Variants in ZNF512 observed in about 807,000 individuals in gnomAD.
The protein encoded by ZNF512 is zinc finger protein 512.
In ZNF512, 25 loss-of-function variants were observed where a neutral mutation model predicts 77.5. The observed-to-expected ratio is 0.32, with a 90% CI of 0.23 to 0.45. ZNF512 has a LOEUF of 0.45. ZNF512 is among the 20% of genes least tolerant of loss of function. The probability of loss-of-function intolerance (pLI) is 1.00; values close to 1 mark genes in which losing one functional copy is unlikely to be tolerated. For missense variants in ZNF512, 483 were observed against 692.6 expected (o/e 0.70, Z 3.40); for synonymous variants, 246 against 239.9 (o/e 1.03, Z -0.24).
At chr2:27,584,430 A>G (rs1671243679) in intron 2 of ZNF512, among the ~76,000 whole-genome samples, 2 of 152,230 alleles carry the variant, frequency 1.3e-5, no homozygotes, top group Non-Finnish European at 2.9e-5. Flanking sequence ...TTAACTAGAC[A>G]TTAAATGGAT....
intron 8 of ZNF512, 73 bp from the exon 9 acceptor site, chr2:27,603,067 A>G (rs1443965407): frequency 5.1e-6 from 8 of 1,558,108 alleles, no homozygotes; most frequent in Non-Finnish European, 7.0e-6. Flanking sequence ...TGAATGCTTT[A>G]TGGCTGTTTA....
At chr2:27,583,775 C>T in intron 2 of ZNF512, 59 bp downstream of exon 2, 2 of 1,575,808 alleles carry the variant, frequency 1.3e-6, no homozygotes, top group South Asian at 2.3e-5. Context: ...ACCAGTAGAA[C>T]TTCTTCCTGT....
At chr2:27,618,450 A>G (rs969299199) in intron 13 of ZNF512, among the ~76,000 whole-genome samples, 3 of 152,262 alleles carry the variant, frequency 2.0e-5, no homozygotes, top group African/African-American at 7.2e-5. Flanking sequence ...ATTAAATAAT[A>G]GTATTGTGTC....
At position 27,600,683 on chromosome 2, in the gene ZNF512, CT is replaced by C. The variant is rs1558469735; in HGVS notation, c.458-5del. On this transcript the variant is annotated splice_polypyrimidine_tract_variant and splice_region_variant and intron_variant, in intron 5 of 13. Transcript: ENST00000355467. Reference sequence around the variant, plus strand: ...AGATTACAAAGTGTTTCTTTCTCTCCTTTGTAGGCAGTTTGGAGGAGCAATG... The same window carrying C: ...AGATTACAAAGTGTTTCTTTCTCTCCTTGTAGGCAGTTTGGAGGAGCAATG... 1 of 1,611,580 alleles carries C rather than the reference CT, an allele frequency of 6.2e-7. No homozygotes were observed.
Position 27,614,054 on chromosome 2 carries a change from G to T in ZNF512, c.1132-1114G>T, listed in dbSNP as rs780055098. On this transcript the variant is annotated intron_variant, in intron 10 of 13. Transcript: ENST00000355467. ...AAAGCCACTTCTGTACTCTATAAAA[G>T]TATTGTGTACCCTATTCTTTTATAG... Among the ~76,000 whole-genome samples the T allele has an allele frequency of 4.4e-4, 67 of 152,054 alleles. 1 individual carries two copies. Among genetic ancestry groups the T allele is most frequent in the Non-Finnish European group, 6.2e-4 (42 of 67,986 alleles).
rs1288049415 is a variant in ZNF512, at chr2:27,599,937, CATGCTGGGCTTCAAGTT to C, written c.374-32_374-16del. The C allele has an allele frequency of 6.2e-7, 1 of 1,611,754 alleles. No individual in the cohort carries two copies. Among genetic ancestry groups the C allele is most frequent in the Admixed American group, 1.7e-5 (1 of 59,970 alleles). On this transcript the variant is annotated splice_polypyrimidine_tract_variant and intron_variant, in intron 4 of 13. Transcript: ENST00000355467. ...GAGATTTTGGTATTAGCAAGGGTGACATGCTGGGCTTCAAGTTTCTGTCTTATGTCAGGGAGGAAGCA... is the reference window on the plus strand; with the variant it reads ...GAGATTTTGGTATTAGCAAGGGTGACTCTGTCTTATGTCAGGGAGGAAGCA...
At chr2:27,601,619 G>A (rs1672117381) in intron 7 of ZNF512, among the ~76,000 whole-genome samples, 177 bp downstream of exon 7, 1 of 151,142 alleles carries the variant, frequency 6.6e-6, no homozygotes, top group Non-Finnish European at 1.5e-5. Context: ...GACTACAGGC[G>A]TGCGCCACCA....
intron 10 of ZNF512, among the ~76,000 whole-genome samples, chr2:27,609,590 T>G (rs939219586): frequency 2.0e-5 from 3 of 152,110 alleles, no homozygotes; most frequent in Non-Finnish European, 2.9e-5. Flanking sequence ...AATTAGTGGC[T>G]GGGCACAGTG....
At chr2:27,583,802 A>G (rs972471213) in intron 2 of ZNF512, 86 bp downstream of exon 2, 33 of 1,468,084 alleles carry the variant, frequency 2.2e-5, no homozygotes, top group Non-Finnish European at 2.6e-5. Flanking sequence ...AATGTTCTGT[A>G]TCTGCATTGT....
At position 27,599,655 on chromosome 2, in the gene ZNF512, C is replaced by A. The variant is rs1672031620; in HGVS notation, c.350C>A (p.Pro117His). The change falls in exon 4 of 14, where the codon CCT becomes CAT. Residue 117 changes from proline to histidine, a missense_variant. By Grantham distance (77) the Pro-to-His change is moderately conservative (BLOSUM62 -2). Coordinates refer to ENST00000355467, the MANE Select transcript of ZNF512 (RefSeq NM_032434.4). ...GAAGATGAAGACTATCGAGAATTTC[C>A]TCAGAAGAAGCATAAGCTTTATGGT... is the stretch of plus-strand genomic sequence containing the variant. ...QEEDEDYREF[P>H]QKKHKLYGRK... 6.2e-7 allele frequency: 1 copy of A among 1,614,184 alleles called. No homozygotes were observed. Among genetic ancestry groups the A allele is most frequent in the Non-Finnish European group, 8.5e-7 (1 of 1,180,006 alleles).
chr2:27,613,837 T>C (rs1672769157), intron 10 of ZNF512, among the ~76,000 whole-genome samples: 1 of 152,128 alleles, frequency 6.6e-6, no homozygotes, highest in South Asian at 2.1e-4. Context: ...GTACTTCATT[T>C]ACATAAATGT....
chr2:27,583,440 C>A, intron 1 of ZNF512: 1 of 1,446,324 alleles, frequency 6.9e-7, no homozygotes. Context: ...TGGGACAGGG[C>A]TTTGAGAATG....
intron 2 of ZNF512, among the ~76,000 whole-genome samples, chr2:27,590,735 T>C (rs1312028617): frequency 6.6e-6 from 1 of 152,046 alleles, no homozygotes; most frequent in African/African-American, 2.4e-5. Context: ...GCACATTCAT[T>C]GCTTGCTGGG....
At chr2:27,583,536 TC>T in intron 1 of ZNF512, 121 bp from the exon 2 acceptor site, 2 of 1,523,080 alleles carry the variant, frequency 1.3e-6, no homozygotes, top group Middle Eastern at 2.1e-4. Context: ...GGTGTTGCCT[TC>T]TTGTGTTTGA....
In ZNF512 at chr2:27,600,706, A is replaced by C. The variant is rs1672080819; in HGVS notation, c.473A>C (p.Gln158Pro). 1.9e-6 allele frequency: 3 copies of C among 1,613,720 alleles called. No homozygotes were observed. Among genetic ancestry groups the C allele is most frequent in the Non-Finnish European group, 2.5e-6 (3 of 1,179,840 alleles). ...TCCTTTGTAGGCAGTTTGGAGGAGC[A>C]ATGGTACTTAGAAATCGTTGATAAA... ...PVYAAGSLEEQWYLEIVDKGS... is the reference protein window; with the variant it reads ...PVYAAGSLEEPWYLEIVDKGS... Residue 158 changes from glutamine to proline, a missense_variant, in exon 6 of 14, where the codon CAA (glutamine) becomes CCA (proline). Physicochemically the swap from Gln to Pro is moderately conservative, Grantham distance 76. Transcript: ENST00000355467.
intron 5 of ZNF512, 21 bp from the exon 6 acceptor site, chr2:27,600,670 G>A: frequency 6.2e-7 from 1 of 1,607,670 alleles, no homozygotes; most frequent in African/African-American, 1.3e-5. Context: ...ATTACAAAGT[G>A]TTTCTTTCTC....
chr2:27,617,496 C>T lies in ZNF512; in HGVS notation c.1320C>T (p.Tyr440=). The T allele has an allele frequency of 6.8e-7, 1 of 1,475,300 alleles. No homozygotes were observed. The highest frequency in any genetic ancestry group is 9.5e-7 in the Non-Finnish European group (1 of 1,053,180). The allele number at this position is 1,475,300 out of a possible 1,614,324, so 91.4% of individuals were successfully genotyped here. Residue 440 remains tyrosine (Y), a synonymous_variant, in exon 13 of 14, where the codon TAC becomes TAT. Coordinates refer to ENST00000355467, the MANE Select transcript of ZNF512 (RefSeq NM_032434.4). Reference sequence around the variant, plus strand: ...AGGGAAACTTTGTGGCTGGAAAATACAAATGTCTTCTATGTCAGAAAGAAT... The same window carrying T: ...AGGGAAACTTTGTGGCTGGAAAATATAAATGTCTTCTATGTCAGAAAGAAT... ...CTLGNFVAGK[Y]KCLLCQKEFV...
intron 12 of ZNF512, 89 bp downstream of exon 12, chr2:27,616,413 G>T: frequency 2.9e-6 from 3 of 1,040,220 alleles, no homozygotes; most frequent in Non-Finnish European, 4.5e-6. Flanking sequence ...ACAGCTAGTT[G>T]TCCTGTTTAC....
intron 13 of ZNF512, among the ~76,000 whole-genome samples, chr2:27,620,559 G>A (rs1673072079): frequency 6.6e-6 from 1 of 152,088 alleles, no homozygotes; most frequent in Non-Finnish European, 1.5e-5. Context: ...AGAGAGATTG[G>A]GCTCAACTCC....
Sources: allele counts gnomAD v4.1 joint callset (sites outside exome capture counted in the v4.1 genomes callset), GRCh38; gene constraint gnomAD v4.1.1; transcripts MANE v1.5; gene names NCBI Gene and HGNC (gene_info 2026-07-23, HGNC 2026-07-21).